SORCS2: variants seen among roughly 807,000 people sequenced by gnomAD.
SORCS2 encodes VPS10 domain-containing receptor SorCS2.
Under a neutral mutation model 141.6 loss-of-function variants are expected in SORCS2, and 100 were observed. The observed-to-expected ratio is 0.71, with a 90% confidence interval of 0.60 to 0.83. SORCS2 has a LOEUF of 0.83. SORCS2 is among the 40% of genes least tolerant of loss of function. The pLI is 0.00. For synonymous variants in SORCS2, 789 were observed against 676.9 expected (o/e 1.17, Z -2.57); for missense variants, 1,646 against 1,560.2 (o/e 1.05, Z -0.93).
intron 9 of SORCS2, among the ~76,000 whole-genome samples, chr4:7,678,750 G>C (rs891256865): frequency 2.0e-5 from 3 of 148,906 alleles, no homozygotes; most frequent in Non-Finnish European, 4.5e-5. Flanking sequence ...TCCCTTCTCT[G>C]AAAACCATCA....
chr4:7,740,329 G>A lies in SORCS2; in HGVS notation c.*65G>A. The A allele has an allele frequency of 6.8e-7, 1 of 1,470,566 alleles. No individual in the cohort carries two copies. Among genetic ancestry groups the A allele is most frequent in the South Asian group, 1.2e-5 (1 of 85,042 alleles). 91.1% of individuals were successfully genotyped at this position (1,470,566 alleles called of 1,614,324 possible). ...AGAACCACCAGCAAAGCCGGCGGCT[G>A]GACTGGCGCCCCTCAGAGACCTGCG... On this transcript the variant is annotated 3_prime_UTR_variant, in exon 27 of 27. Coordinates refer to ENST00000507866, the MANE Select transcript of SORCS2 (RefSeq NM_020777.3).
chr4:7,461,896 GTGCTGTCCCGCAGGCTTCAGTGCCTC>G (rs147381963), intron 2 of SORCS2, among the ~76,000 whole-genome samples: 27,548 of 151,480 alleles, frequency 0.18, 2,586 homozygotes, highest in African/African-American at 0.23. Flanking sequence ...CACCTGGGAG[GTGCTGTCCCGCAGGCTTCAGTGCCTC>G]TGCTGTCCTG....
At chr4:7,702,643 G>T (rs1418231199) in intron 12 of SORCS2, among the ~76,000 whole-genome samples, 1 of 152,228 alleles carries the variant, frequency 6.6e-6, no homozygotes, top group African/African-American at 2.4e-5. Flanking sequence ...GGATCTGGTG[G>T]TCGGCCATTC....
At chr4:7,537,123 C>T (rs1470355611) in intron 3 of SORCS2, among the ~76,000 whole-genome samples, 1 of 152,208 alleles carries the variant, frequency 6.6e-6, no homozygotes, top group Non-Finnish European at 1.5e-5. Flanking sequence ...TGGCTGGGGG[C>T]TAGAAATCAG....
chr4:7,672,456 G>A (rs2108942214), intron 8 of SORCS2, among the ~76,000 whole-genome samples: 1 of 152,188 alleles, frequency 6.6e-6, no homozygotes, highest in South Asian at 2.1e-4. Flanking sequence ...AAACATCTAT[G>A]AAGAAATTTC....
intron 3 of SORCS2, among the ~76,000 whole-genome samples, chr4:7,572,827 C>T (rs78499452): frequency 0.011 from 1,671 of 152,214 alleles, 39 homozygotes; most frequent in African/African-American, 0.038. Context: ...ATCTGAAGCC[C>T]CTTGGTTTGG....
At chr4:7,679,749 CTTTTTT>C (rs55936772) in intron 9 of SORCS2, among the ~76,000 whole-genome samples, 16 of 141,266 alleles carry the variant, frequency 1.1e-4, no homozygotes, top group Non-Finnish European at 9.2e-5. Flanking sequence ...ACTTGTGGGA[CTTTTTT>C]TTTTTTTTTT....
intron 3 of SORCS2, among the ~76,000 whole-genome samples, chr4:7,547,046 T>C (rs1713314715): frequency 6.6e-6 from 1 of 152,194 alleles, no homozygotes; most frequent in Non-Finnish European, 1.5e-5. Context: ...CCCTGCTTTC[T>C]GGTGCCGAGA....
intron 2 of SORCS2, chr4:7,434,842 C>T (rs1183171268): frequency 2.5e-6 from 4 of 1,590,314 alleles, no homozygotes; most frequent in Non-Finnish European, 3.4e-6. Flanking sequence ...CCTGGTGGCC[C>T]CCAGGAGGCT....
intron 1 of SORCS2, among the ~76,000 whole-genome samples, chr4:7,302,681 A>G (rs1376965106): frequency 6.6e-6 from 1 of 151,826 alleles, no homozygotes; most frequent in East Asian, 1.9e-4. Flanking sequence ...CTGTCTTCTC[A>G]GTAAAGCTAA....
chr4:7,637,562 AGAACAGTGCCCC>A (rs1720346388), intron 3 of SORCS2, among the ~76,000 whole-genome samples: 1 of 150,776 alleles, frequency 6.6e-6, no homozygotes, highest in Non-Finnish European at 1.5e-5. Context: ...AACAGTGCCC[AGAACAGTGCCCC>A]GCACTCCATG....
chr4:7,593,070 G>T (rs1216137506), intron 3 of SORCS2, among the ~76,000 whole-genome samples: 1 of 152,070 alleles, frequency 6.6e-6, no homozygotes, highest in Non-Finnish European at 1.5e-5. Flanking sequence ...TTTTGCTTGG[G>T]GTCTCACATA....
rs557631871 is a variant in SORCS2, at chr4:7,220,971, T to A, written c.480+27845T>A. Among the ~76,000 whole-genome samples the A allele has an allele frequency of 3.3e-5, 5 of 152,330 alleles. No individual in the cohort carries two copies. In the East Asian group the frequency reaches 7.7e-4, roughly 23 times the overall value. On this transcript the variant is annotated intron_variant, in intron 1 of 26. Transcript: ENST00000507866. Reference sequence around the variant, plus strand: ...TTTTCAAAACAAAGTAATGCCCCAGTGGTTTGTCAGAGAGAGAGAGGGAAG... The same window carrying A: ...TTTTCAAAACAAAGTAATGCCCCAGAGGTTTGTCAGAGAGAGAGAGGGAAG...
chr4:7,486,998 C>T (rs577480514), intron 2 of SORCS2, among the ~76,000 whole-genome samples: 7 of 152,382 alleles, frequency 4.6e-5, no homozygotes, highest in Admixed American at 4.6e-4. Context: ...CTACCGACCT[C>T]AGCGGGAAGC....
At chr4:7,321,131 A>G (rs1259521484) in intron 1 of SORCS2, among the ~76,000 whole-genome samples, 2 of 151,552 alleles carry the variant, frequency 1.3e-5, no homozygotes, top group African/African-American at 4.9e-5. Context: ...TGTCCATGAT[A>G]CTCCTGTGCG....
intron 3 of SORCS2, among the ~76,000 whole-genome samples, chr4:7,607,925 C>T (rs534861913): frequency 2.6e-5 from 4 of 152,230 alleles, no homozygotes; most frequent in East Asian, 3.9e-4. Flanking sequence ...CCCGGCTGGC[C>T]GTGAGTGAGT....
intron 1 of SORCS2, among the ~76,000 whole-genome samples, chr4:7,300,612 T>C (rs1218789701): frequency 6.6e-6 from 1 of 152,236 alleles, no homozygotes; most frequent in Non-Finnish European, 1.5e-5. Context: ...ACTGTCATTA[T>C]GCCCGTTTGA....
chr4:7,364,242 A>T (rs1020849814), intron 1 of SORCS2, among the ~76,000 whole-genome samples: 3 of 152,178 alleles, frequency 2.0e-5, no homozygotes, highest in African/African-American at 7.2e-5. Flanking sequence ...TAGGTACCCA[A>T]CCCACCCTGG....
At chr4:7,704,137 C>T (rs1231415741) in intron 13 of SORCS2, 40 bp from the exon 14 acceptor site, 1 of 1,577,340 alleles carries the variant, frequency 6.3e-7, no homozygotes, top group Non-Finnish European at 8.6e-7. Flanking sequence ...AGGGAGCTTT[C>T]CAGCCCACCC....
Sources: allele counts gnomAD v4.1 joint callset (sites outside exome capture counted in the v4.1 genomes callset), GRCh38; gene constraint gnomAD v4.1.1; transcripts MANE v1.5; gene names NCBI Gene and HGNC (gene_info 2026-07-23, HGNC 2026-07-21).